The following PREX1 variants were observed in gnomAD, a reference collection of about 807,000 sequenced individuals.
PREX1 encodes the protein phosphatidylinositol-3,4,5-trisphosphate dependent Rac exchange factor 1, also known as phosphatidylinositol 3,4,5-trisphosphate-dependent Rac exchanger 1 protein.
Under a neutral mutation model 198.3 loss-of-function variants are expected in PREX1, and 41 were observed. The ratio of observed to expected loss-of-function variants is 0.21; its 90% CI spans 0.16 to 0.27. PREX1 has a LOEUF of 0.27. Ranked by LOEUF, PREX1 falls within the 10% of genes least tolerant of loss-of-function variation. The pLI is 1.00. For synonymous variants in PREX1, 843 were observed against 887.2 expected, an observed-to-expected ratio of 0.95 and a Z score of 0.89; for missense variants, 1,620 against 2,200.7, an observed-to-expected ratio of 0.74 and a Z score of 5.28.
At chr20:48,631,177 T>A (rs1231198923) in intron 35 of PREX1, among the ~76,000 whole-genome samples, 6 of 152,238 alleles carry the variant, frequency 3.9e-5, no homozygotes, top group African/African-American at 1.4e-4. Flanking sequence ...TCAGCGAACT[T>A]CTTCTGTGAA....
chr20:48,770,906 G>A (rs544320884), intron 1 of PREX1, among the ~76,000 whole-genome samples: 17 of 152,272 alleles, frequency 1.1e-4, no homozygotes, highest in Admixed American at 4.6e-4. Context: ...AGGCTCCAAC[G>A]CAGTGGGAGA....
intron 1 of PREX1, among the ~76,000 whole-genome samples, chr20:48,777,039 C>T (rs1337176517): frequency 2.0e-5 from 3 of 152,178 alleles, no homozygotes; most frequent in South Asian, 2.1e-4. Context: ...AGTAATTCCA[C>T]TCATCAATAT....
At chr20:48,881,488 ATTT>A in the PREX1 span, among the ~76,000 whole-genome samples, 7 of 139,422 alleles carry the variant, frequency 5.0e-5, no homozygotes, top group Non-Finnish European at 7.9e-5. Flanking sequence ...CATACAATTC[ATTT>A]TTTTTTTTTT....
At chr20:48,862,790 A>AAAAAAT in the PREX1 span, among the ~76,000 whole-genome samples, 7,688 of 102,340 alleles carry the variant, frequency 0.075, 412 homozygotes, top group Non-Finnish European at 0.093. Context: ...TAAAAAAAAA[A>AAAAAAT]ATATATATAT....
chr20:48,836,948 C>A, the PREX1 span, among the ~76,000 whole-genome samples: 3 of 149,350 alleles, frequency 2.0e-5, no homozygotes, highest in African/African-American at 7.4e-5. Context: ...TGCCAGCTCT[C>A]TGAGGGACAC....
intron 5 of PREX1, among the ~76,000 whole-genome samples, chr20:48,715,255 G>A (rs578017400): frequency 6.6e-6 from 1 of 152,260 alleles, no homozygotes; most frequent in South Asian, 2.1e-4. Flanking sequence ...AGACCTCAAG[G>A]AGTCCAATGG....
chr20:48,760,336 A>G lies in PREX1; in HGVS notation c.220-12456T>C, dbSNP rs888670230. On this transcript the variant is annotated intron_variant, in intron 1 of 39. Coordinates refer to ENST00000371941, the MANE Select transcript of PREX1 (RefSeq NM_020820.4). ...TATTAGTTTTTTCCATCCTGCAAAT[A>G]GCTCTATTATTATAGACTGCCTGCT... Among the ~76,000 whole-genome samples the G allele has an allele frequency of 9.9e-5, 15 of 152,024 alleles. No individual in the cohort carries two copies. In the East Asian group the frequency reaches 2.9e-3, roughly 29 times the overall value.
At chr20:48,767,241 C>G (rs1000024350) in intron 1 of PREX1, among the ~76,000 whole-genome samples, 5 of 152,216 alleles carry the variant, frequency 3.3e-5, no homozygotes, top group African/African-American at 1.2e-4. Flanking sequence ...CCAGTGACAA[C>G]CAGCCACACC....
At chr20:48,815,159 G>A (rs1002580271) in intron 1 of PREX1, among the ~76,000 whole-genome samples, 1 of 152,138 alleles carries the variant, frequency 6.6e-6, no homozygotes, top group Admixed American at 6.5e-5. Context: ...GAACTCAAAG[G>A]AGAAAAACAT....
intron 2 of PREX1, 136 bp from the exon 3 acceptor site, chr20:48,745,283 C>T: frequency 6.7e-6 from 6 of 895,016 alleles, no homozygotes; most frequent in South Asian, 4.2e-5. Flanking sequence ...AACTGGTTTA[C>T]CACTAATAGA....
intron 1 of PREX1, among the ~76,000 whole-genome samples, chr20:48,786,131 G>A (rs1204805268): frequency 6.6e-6 from 1 of 152,132 alleles, no homozygotes; most frequent in East Asian, 1.9e-4. Context: ...GAGAAAGGGG[G>A]TGAGTCGGGG....
At chr20:48,840,316 C>T in the PREX1 span, among the ~76,000 whole-genome samples, 26 of 144,780 alleles carry the variant, frequency 1.8e-4, no homozygotes, top group Admixed American at 5.7e-4. Context: ...TGCCTGACCA[C>T]GACGGCAAGT....
At chr20:48,882,371 G>A in the PREX1 span, among the ~76,000 whole-genome samples, 4 of 151,512 alleles carry the variant, frequency 2.6e-5, no homozygotes, top group South Asian at 2.1e-4. Context: ...GTGTGGTGGC[G>A]GGCGCCTGTA....
chr20:48,743,683 ATCC>A (rs2090092868), intron 3 of PREX1, among the ~76,000 whole-genome samples: 1 of 152,238 alleles, frequency 6.6e-6, no homozygotes, highest in South Asian at 2.1e-4. Context: ...ATCTTGCTTA[ATCC>A]TCACAATGTC....
intron 10 of PREX1, among the ~76,000 whole-genome samples, chr20:48,687,433 C>T (rs1380043347): frequency 6.6e-6 from 1 of 152,242 alleles, no homozygotes; most frequent in Non-Finnish European, 1.5e-5. Flanking sequence ...AATGCTGTTG[C>T]CTTTCAAGTT....
chr20:48,844,081 A>C, the PREX1 span, among the ~76,000 whole-genome samples: 1 of 152,198 alleles, frequency 6.6e-6, no homozygotes, highest in Non-Finnish European at 1.5e-5. Flanking sequence ...TCGAGGCTGC[A>C]GTGAACTGTG....
At chr20:48,753,202 G>A (rs1292836367) in intron 1 of PREX1, among the ~76,000 whole-genome samples, 2 of 152,120 alleles carry the variant, frequency 1.3e-5, no homozygotes, top group Non-Finnish European at 2.9e-5. Flanking sequence ...GCAGGGAGAG[G>A]GTTAGAAGGA....
In PREX1 at chr20:48,642,148, T is replaced by TGGACTGGCTATCCCCTC; in HGVS notation, c.3775+3_3775+19dup. The TGGACTGGCTATCCCCTC allele has an allele frequency of 6.2e-7, 1 of 1,611,432 alleles. No homozygotes were observed. The highest frequency in any genetic ancestry group is 8.5e-7 in the Non-Finnish European group (1 of 1,177,508). On this transcript the variant is annotated intron_variant, in intron 29 of 39. Coordinates refer to ENST00000371941, the MANE Select transcript of PREX1 (RefSeq NM_020820.4). Reference sequence around the variant, plus strand: ...CCTTCCCCATCGCAGGCTGTCACCTTGGACTGGCTATCCCCTCACCTTGTA... The same window carrying TGGACTGGCTATCCCCTC: ...CCTTCCCCATCGCAGGCTGTCACCTTGGACTGGCTATCCCCTCGGACTGGCTATCCCCTCACCTTGTA...
chr20:48,708,005 G>A (rs2089911457), intron 6 of PREX1, among the ~76,000 whole-genome samples: 1 of 152,216 alleles, frequency 6.6e-6, no homozygotes, highest in South Asian at 2.1e-4. Context: ...GGTGGGGACT[G>A]AAGGAAACTA....
Sources: gnomAD v4.1 joint callset for allele counts (sites outside exome capture counted in the v4.1 genomes callset) on GRCh38, gnomAD v4.1.1 for gene constraint, MANE v1.5 for transcripts, NCBI Gene and HGNC (gene_info 2026-07-23, HGNC 2026-07-21) for gene names.